Variants in TRIM51G observed in about 807,000 individuals in gnomAD.
TRIM51G encodes the protein tripartite motif-containing protein 51G.
chr11:48,983,053 C>G, the TRIM51G span, among the ~76,000 whole-genome samples: 3 of 86,990 alleles, frequency 3.4e-5, no homozygotes, highest in African/African-American at 8.8e-5. Flanking sequence ...TGGAATCTTT[C>G]CCTTGGCAGT....
At chr11:48,978,265 T>C in the TRIM51G span, 2 of 471,986 alleles carry the variant, frequency 4.2e-6, no homozygotes, top group Non-Finnish European at 8.7e-6. Context: ...TTTCCTACAG[T>C]GTTCCCTCCT....
the TRIM51G span, among the ~76,000 whole-genome samples, chr11:48,983,885 G>C: frequency 3.3e-5 from 5 of 151,918 alleles, no homozygotes; most frequent in Non-Finnish European, 7.4e-5. Context: ...TCCTCCTCTG[G>C]AGAAATATGA....
chr11:48,976,935 C>A, the TRIM51G span: 9 of 507,486 alleles, frequency 1.8e-5, no homozygotes, highest in Admixed American at 2.7e-4. Context: ...GGACTATAAA[C>A]AGAAACACAG....
the TRIM51G span, chr11:48,978,251 T>C: frequency 2.0e-6 from 1 of 498,472 alleles, no homozygotes; most frequent in Admixed American, 2.2e-5. Context: ...TCTGAAGATA[T>C]TATTTTCCTA....
the TRIM51G span, chr11:48,975,927 C>T: frequency 1.3e-6 from 1 of 742,836 alleles, no homozygotes; most frequent in Non-Finnish European, 2.5e-6. Flanking sequence ...CACATCCAAC[C>T]TTCATGCTTC....
At chr11:48,979,024 G>A in the TRIM51G span, 35 of 1,156,064 alleles carry the variant, frequency 3.0e-5, no homozygotes, top group East Asian at 4.7e-5. Context: ...TCCAAGTGAC[G>A]TTGCTCTTCT....
the TRIM51G span, among the ~76,000 whole-genome samples, chr11:48,983,455 C>A: frequency 1.3e-5 from 2 of 151,972 alleles, no homozygotes; most frequent in Non-Finnish European, 2.9e-5. Flanking sequence ...TTAGTACATG[C>A]AGTACACATA....
At chr11:48,978,843 C>T in the TRIM51G span, 1 of 1,000,434 alleles carries the variant, frequency 1.0e-6, no homozygotes, top group Non-Finnish European at 1.6e-6. Context: ...GAATCTTCAA[C>T]ATCATGATAA....
chr11:48,981,799 C>T, the TRIM51G span: 20 of 1,214,450 alleles, frequency 1.6e-5, no homozygotes, highest in Middle Eastern at 2.9e-4. Flanking sequence ...CTTGACAGTG[C>T]TCATTAAAGC....
At chr11:48,976,059 G>T in the TRIM51G span, 5 of 390,430 alleles carry the variant, frequency 1.3e-5, no homozygotes, top group African/African-American at 1.0e-4. Context: ...GAATTCTTGA[G>T]GGAAAAGTTG....
At chr11:48,975,673 G>A in the TRIM51G span, 1 of 1,461,070 alleles carries the variant, frequency 6.8e-7, no homozygotes, top group African/African-American at 1.4e-5. Flanking sequence ...TACAAGTGGG[G>A]AGGTGGTAAA....
the TRIM51G span, among the ~76,000 whole-genome samples, chr11:48,983,821 C>T: frequency 2.0e-5 from 3 of 152,028 alleles, no homozygotes; most frequent in Admixed American, 2.0e-4. Flanking sequence ...GGAGTTCATT[C>T]CCTGCACAGT....
At chr11:48,977,146 C>T in the TRIM51G span, 960 of 1,316,772 alleles carry the variant, frequency 7.3e-4, no homozygotes, top group Non-Finnish European at 9.7e-4. Context: ...ACTCTGGATT[C>T]ACAGGCTCAG....
chr11:48,979,437 A>G, the TRIM51G span, among the ~76,000 whole-genome samples: 1 of 152,154 alleles, frequency 6.6e-6, no homozygotes, highest in African/African-American at 2.4e-5. Context: ...CATTATTTCT[A>G]TTTTGGAGAA....
chr11:48,982,588 G>A, the TRIM51G span, among the ~76,000 whole-genome samples: 4 of 152,024 alleles, frequency 2.6e-5, no homozygotes, highest in African/African-American at 4.8e-5. Context: ...CAGAGAGAAG[G>A]CAGTTTCCTC....
At chr11:48,979,858 A>G in the TRIM51G span, among the ~76,000 whole-genome samples, 22 of 150,382 alleles carry the variant, frequency 1.5e-4, no homozygotes, top group Non-Finnish European at 2.8e-4. Context: ...ATATTCATAT[A>G]TTTATGAGGA....
the TRIM51G span, among the ~76,000 whole-genome samples, chr11:48,982,890 G>A: frequency 8.1e-6 from 1 of 123,028 alleles, no homozygotes; most frequent in Non-Finnish European, 1.7e-5. Context: ...TTGTTCCTAG[G>A]CTACAAACCT....
chr11:48,983,405 G>A, the TRIM51G span, among the ~76,000 whole-genome samples: 1 of 151,896 alleles, frequency 6.6e-6, no homozygotes, highest in Non-Finnish European at 1.5e-5. Context: ...CACATTTACA[G>A]TATTCAATAA....
the TRIM51G span, chr11:48,976,934 A>G: frequency 1.6e-5 from 8 of 506,550 alleles, no homozygotes; most frequent in Non-Finnish European, 2.5e-5. Flanking sequence ...TGGACTATAA[A>G]CAGAAACACA....
Sources: allele counts gnomAD v4.1 joint callset (sites outside exome capture counted in the v4.1 genomes callset), GRCh38; gene constraint gnomAD v4.1.1; transcripts MANE v1.5; gene names NCBI Gene and HGNC (gene_info 2026-07-23, HGNC 2026-07-21).